RARB: variants seen among roughly 807,000 people sequenced by gnomAD.
The protein encoded by RARB is HBV-activated protein.
A neutral mutation model predicts 51.9 loss-of-function variants in RARB; 17 were observed. The ratio of observed to expected loss-of-function variants is 0.33; its 90% CI spans 0.22 to 0.49. The LOEUF is 0.49. Ranked by LOEUF, RARB falls within the 20% of genes least tolerant of loss-of-function variation. The pLI is 0.99. For missense variants in RARB, 369 were observed against 550.8 expected (o/e 0.67, Z 3.30); for synonymous variants, 215 against 195.4 (o/e 1.10, Z -0.84).
intron 2 of RARB, among the ~76,000 whole-genome samples, chr3:24,932,951 A>G (rs560419787): frequency 1.3e-5 from 2 of 152,254 alleles, no homozygotes; most frequent in Non-Finnish European, 2.9e-5. Flanking sequence ...GTAGCCTTAA[A>G]TGAGAAAACT....
At chr3:25,463,873 C>T (rs1462262865) in intron 2 of RARB, among the ~76,000 whole-genome samples, 1 of 152,108 alleles carries the variant, frequency 6.6e-6, no homozygotes, top group African/African-American at 2.4e-5. Context: ...TCTCTTTTCT[C>T]CAGTAGATTC....
At chr3:24,925,207 T>G (rs1418407436) in intron 2 of RARB, among the ~76,000 whole-genome samples, 1 of 152,160 alleles carries the variant, frequency 6.6e-6, no homozygotes, top group Non-Finnish European at 1.5e-5. Flanking sequence ...GGAAAGAATA[T>G]GTCATTTTCC....
chr3:25,353,584 ATTT>A (rs3035062), intron 5 of RARB, among the ~76,000 whole-genome samples: 43 of 144,964 alleles, frequency 3.0e-4, no homozygotes, highest in African/African-American at 8.1e-4. Flanking sequence ...TGCTGCTGAG[ATTT>A]TTTTTTTTTT....
At chr3:25,154,034 C>A (rs1700335889) in intron 4 of RARB, among the ~76,000 whole-genome samples, 1 of 152,200 alleles carries the variant, frequency 6.6e-6, no homozygotes, top group African/African-American at 2.4e-5. Flanking sequence ...TGGACTTTAT[C>A]TTTGTATGCT....
chr3:25,411,733 C>T (rs1454858840), intron 5 of RARB, among the ~76,000 whole-genome samples: 1 of 152,180 alleles, frequency 6.6e-6, no homozygotes, highest in Non-Finnish European at 1.5e-5. Context: ...GGCTTGTGTG[C>T]CCCTTTGTCT....
intron 1 of RARB, among the ~76,000 whole-genome samples, chr3:25,450,130 C>T (rs1362359724): frequency 1.3e-5 from 2 of 152,224 alleles, no homozygotes; most frequent in South Asian, 2.1e-4. Flanking sequence ...AGTGAAGGAG[C>T]ATGACTAGCC....
chr3:25,160,856 C>G (rs1700462491), intron 4 of RARB, among the ~76,000 whole-genome samples: 2 of 152,098 alleles, frequency 1.3e-5, no homozygotes, highest in African/African-American at 4.8e-5. Context: ...TGGTCTTTGG[C>G]TCCTTCCTCA....
At chr3:25,276,065 A>C (rs1703373943) in intron 5 of RARB, among the ~76,000 whole-genome samples, 1 of 152,260 alleles carries the variant, frequency 6.6e-6, no homozygotes, top group Non-Finnish European at 1.5e-5. Flanking sequence ...CCCTTCTGTA[A>C]AATGAGGTTT....
chr3:25,301,928 G>C lies in RARB; in HGVS notation c.178+127353G>C, dbSNP rs188376802. The stretch of plus-strand genomic sequence containing the variant: ...CCAAGTAATTGCCACTACTAAAGGG[G>C]ACCTAGCAGGAGAAAAGGACAGTGG... On this transcript the variant is annotated intron_variant, in intron 5 of 11. Transcript: ENST00000383772. 2.0e-4 allele frequency among the ~76,000 whole-genome samples: 30 copies of C among 152,298 alleles called. 1 individual carries two copies. Among genetic ancestry groups the C allele is most frequent in the African/African-American group, 6.7e-4 (28 of 41,558 alleles).
intron 2 of RARB, among the ~76,000 whole-genome samples, chr3:24,981,926 C>G (rs547890565): frequency 1.3e-5 from 2 of 152,248 alleles, no homozygotes; most frequent in South Asian, 2.1e-4. Context: ...AGAATCACCC[C>G]TAAATTTTCT....
intron 5 of RARB, among the ~76,000 whole-genome samples, chr3:25,199,017 A>T (rs1701316760): frequency 6.6e-6 from 1 of 152,154 alleles, no homozygotes; most frequent in Non-Finnish European, 1.5e-5. Context: ...CACTATTCAC[A>T]ATGGCCAAGA....
intron 5 of RARB, among the ~76,000 whole-genome samples, chr3:25,298,829 T>A (rs1163752281): frequency 6.6e-6 from 1 of 152,154 alleles, no homozygotes; most frequent in East Asian, 1.9e-4. Flanking sequence ...CTCTGCCCAA[T>A]TGTCCAAGAA....
intron 7 of RARB, 90 bp from the exon 8 acceptor site, chr3:25,596,328 CCT>C: frequency 2.9e-6 from 3 of 1,029,168 alleles, no homozygotes; most frequent in South Asian, 3.6e-5. Flanking sequence ...TTAGGAAACA[CCT>C]CTGTTAAAAT....
At chr3:25,012,976 T>A (rs1402214127) in intron 2 of RARB, among the ~76,000 whole-genome samples, 2 of 152,086 alleles carry the variant, frequency 1.3e-5, no homozygotes, top group African/African-American at 2.4e-5. Context: ...CTTTTTGGTA[T>A]CTTTCTCAGG....
chr3:25,406,598 C>T (rs1707415538), intron 5 of RARB, among the ~76,000 whole-genome samples: 1 of 152,246 alleles, frequency 6.6e-6, no homozygotes, highest in Non-Finnish European at 1.5e-5. Context: ...GGACTCCACC[C>T]TAACACCCCA....
intron 5 of RARB, among the ~76,000 whole-genome samples, chr3:25,248,695 A>G (rs1313967201): frequency 6.6e-6 from 1 of 152,260 alleles, no homozygotes; most frequent in Non-Finnish European, 1.5e-5. Context: ...CTCCTTTTAT[A>G]AAGGATAATT....
At chr3:25,111,831 C>A (rs1477775826) in intron 3 of RARB, among the ~76,000 whole-genome samples, 1 of 152,032 alleles carries the variant, frequency 6.6e-6, no homozygotes, top group East Asian at 1.9e-4. Flanking sequence ...CCTGCCTCAG[C>A]CCCCAAAGTG....
At chr3:25,571,142 C>G (rs779032818) in intron 4 of RARB, among the ~76,000 whole-genome samples, 45 of 152,330 alleles carry the variant, frequency 3.0e-4, no homozygotes, top group Non-Finnish European at 5.9e-4. Flanking sequence ...AGTTGGGTGG[C>G]ACCAGCTTCT....
intron 4 of RARB, among the ~76,000 whole-genome samples, chr3:25,165,371 C>T (rs1264972432): frequency 6.6e-6 from 1 of 152,018 alleles, no homozygotes; most frequent in Non-Finnish European, 1.5e-5. Flanking sequence ...CTCTGTCTTT[C>T]TAGGTGTCTT....
Sources: allele counts gnomAD v4.1 joint callset (sites outside exome capture counted in the v4.1 genomes callset), GRCh38; gene constraint gnomAD v4.1.1; transcripts MANE v1.5; gene names NCBI Gene and HGNC (gene_info 2026-07-23, HGNC 2026-07-21).